IMMP2L: variants seen among roughly 807,000 people sequenced by gnomAD.
The protein encoded by IMMP2L is mitochondrial inner membrane protease subunit 2.
In IMMP2L, 18 loss-of-function variants were observed where a neutral mutation model predicts 19.3. The ratio of observed to expected loss-of-function variants is 0.93; its 90% CI spans 0.64 to 1.38. The LOEUF (loss-of-function observed/expected upper bound fraction) is 1.38. Ranked by LOEUF, IMMP2L falls within the 40% of genes most tolerant of loss-of-function variation. IMMP2L has a pLI of 0.00. For missense variants in IMMP2L, 233 were observed against 218.2 expected, an observed-to-expected ratio of 1.07 and a Z score of -0.43; for synonymous variants, 76 against 73.0, an observed-to-expected ratio of 1.04 and a Z score of -0.21.
intron 3 of IMMP2L, among the ~76,000 whole-genome samples, chr7:111,133,406 G>T (rs1012840114): frequency 6.6e-6 from 1 of 151,944 alleles, no homozygotes; most frequent in Non-Finnish European, 1.5e-5. Context: ...CCCAATTAGA[G>T]GGCAGAGAAA....
intron 4 of IMMP2L, among the ~76,000 whole-genome samples, chr7:110,887,711 A>G (rs1810364238): frequency 6.6e-6 from 1 of 151,848 alleles, no homozygotes; most frequent in Non-Finnish European, 1.5e-5. Context: ...CTAATCCCAC[A>G]ATAAGAAGTT....
At position 111,422,189 on chromosome 7, in the gene IMMP2L, A is replaced by G. The variant is rs553133987; in HGVS notation, c.239+65049T>C. 4.5e-4 allele frequency among the ~76,000 whole-genome samples: 68 copies of G among 151,846 alleles called. 1 individual carries two copies. The South Asian group carries it at 8.7e-3, about 19-fold the overall frequency. On this transcript the variant is annotated intron_variant, in intron 3 of 5. Coordinates refer to ENST00000405709, the MANE Select transcript of IMMP2L (RefSeq NM_032549.4). ...TCCAGCTTTGTTCTTTTGGCTTAGG[A>G]GTGTCTTGGCAATGAGGGCTCTTTT...
chr7:111,545,854 C>A (rs943233599), intron 1 of IMMP2L, among the ~76,000 whole-genome samples: 1 of 152,052 alleles, frequency 6.6e-6, no homozygotes, highest in Non-Finnish European at 1.5e-5. Context: ...GGAAAATAAC[C>A]TCCATCCCTG....
chr7:110,926,436 G>C (rs1814858671), intron 4 of IMMP2L, among the ~76,000 whole-genome samples: 1 of 151,980 alleles, frequency 6.6e-6, no homozygotes, highest in African/African-American at 2.4e-5. Context: ...ACCAAACTAG[G>C]TTTAAAAGCC....
At chr7:110,818,186 A>G (rs1195051146) in intron 5 of IMMP2L, among the ~76,000 whole-genome samples, 1 of 152,052 alleles carries the variant, frequency 6.6e-6, no homozygotes, top group Non-Finnish European at 1.5e-5. Context: ...AACCTACAAA[A>G]TGGGAGAAAA....
intron 3 of IMMP2L, among the ~76,000 whole-genome samples, chr7:111,019,347 G>A (rs1199835285): frequency 2.0e-5 from 3 of 152,136 alleles, no homozygotes; most frequent in Non-Finnish European, 4.4e-5. Context: ...TGCTTGAACA[G>A]AGTTCAGGCA....
intron 3 of IMMP2L, among the ~76,000 whole-genome samples, chr7:110,970,541 T>G (rs773647080): frequency 6.6e-6 from 1 of 152,138 alleles, no homozygotes; most frequent in South Asian, 2.1e-4. Flanking sequence ...TAATTTATTT[T>G]GTAAAACTTG....
chr7:110,667,390 G>T (rs928111732), intron 5 of IMMP2L, among the ~76,000 whole-genome samples: 1 of 152,082 alleles, frequency 6.6e-6, no homozygotes, highest in African/African-American at 2.4e-5. Flanking sequence ...CCACCGTCCT[G>T]GCAAAAGATG....
chr7:111,170,210 C>G (rs918537526), intron 3 of IMMP2L, among the ~76,000 whole-genome samples: 1 of 151,762 alleles, frequency 6.6e-6, no homozygotes, highest in Admixed American at 6.6e-5. Context: ...GTCTCTCTCT[C>G]GTTAGTCTTG....
chr7:111,115,212 C>T (rs1342381142), intron 3 of IMMP2L, among the ~76,000 whole-genome samples: 1 of 152,120 alleles, frequency 6.6e-6, no homozygotes, highest in Non-Finnish European at 1.5e-5. Flanking sequence ...GAATAATGTA[C>T]TGTTATGACA....
At chr7:111,385,577 T>C (rs1319168821) in intron 3 of IMMP2L, among the ~76,000 whole-genome samples, 3 of 152,142 alleles carry the variant, frequency 2.0e-5, no homozygotes, top group African/African-American at 7.2e-5. Flanking sequence ...AAGTTGTAAC[T>C]AGAGAATGTT....
intron 1 of IMMP2L, among the ~76,000 whole-genome samples, chr7:111,539,222 GA>G (rs1482417596): frequency 8.3e-6 from 1 of 120,974 alleles, no homozygotes; most frequent in African/African-American, 3.5e-5. Flanking sequence ...AAGAAAGAAA[GA>G]AAGAAAGAAA....
chr7:111,379,167 C>T (rs1189691852), intron 3 of IMMP2L, among the ~76,000 whole-genome samples: 1 of 140,452 alleles, frequency 7.1e-6, no homozygotes, highest in African/African-American at 2.6e-5. Flanking sequence ...CCAGAATTGC[C>T]AATAAAATAT....
At chr7:110,807,290 T>C (rs1679779328) in intron 5 of IMMP2L, among the ~76,000 whole-genome samples, 1 of 152,042 alleles carries the variant, frequency 6.6e-6, no homozygotes, top group African/African-American at 2.4e-5. Flanking sequence ...TCAAATACAG[T>C]ATGTTCATTC....
At chr7:110,996,379 G>C (rs541640384) in intron 3 of IMMP2L, among the ~76,000 whole-genome samples, 2 of 151,584 alleles carry the variant, frequency 1.3e-5, no homozygotes, top group African/African-American at 2.4e-5. Flanking sequence ...GAGAACGAGA[G>C]GGGGGTTGGC....
chr7:110,795,790 T>C (rs897202190), intron 5 of IMMP2L, among the ~76,000 whole-genome samples: 1 of 152,078 alleles, frequency 6.6e-6, no homozygotes, highest in Non-Finnish European at 1.5e-5. Context: ...AACCAGCTAC[T>C]AAATCCCAGG....
At chr7:110,886,110 A>T (rs1452530932) in intron 5 of IMMP2L, among the ~76,000 whole-genome samples, 40 of 152,014 alleles carry the variant, frequency 2.6e-4, no homozygotes, top group Admixed American at 2.6e-3. Flanking sequence ...TGTCAAATTA[A>T]TTCTCAGGCC....
chr7:111,229,588 G>A (rs1170533833), intron 3 of IMMP2L, among the ~76,000 whole-genome samples: 1 of 151,972 alleles, frequency 6.6e-6, no homozygotes, highest in African/African-American at 2.4e-5. Flanking sequence ...TGATTGTGTG[G>A]TTTAAGTGAT....
intron 3 of IMMP2L, among the ~76,000 whole-genome samples, chr7:111,011,022 A>C (rs1367844672): frequency 2.6e-5 from 4 of 152,030 alleles, no homozygotes; most frequent in African/African-American, 9.7e-5. Context: ...ATCACTGTGG[A>C]AACCAAGGGA....
Sources: allele counts gnomAD v4.1 joint callset (sites outside exome capture counted in the v4.1 genomes callset), GRCh38; gene constraint gnomAD v4.1.1; transcripts MANE v1.5; gene names NCBI Gene and HGNC (gene_info 2026-07-23, HGNC 2026-07-21).